CHL1: variants seen among roughly 807,000 people sequenced by gnomAD.
CHL1 encodes the protein cell adhesion molecule L1 like.
A neutral mutation model predicts 141.9 loss-of-function variants in CHL1; 96 were observed. That is an observed-to-expected ratio of 0.68 (90% CI 0.57 to 0.80). The LOEUF (loss-of-function observed/expected upper bound fraction) is 0.80, where lower values mean the gene tolerates loss of function less well. CHL1 is among the 30% of genes least tolerant of loss of function. The pLI, the probability that CHL1 is intolerant of heterozygous loss-of-function variation, is 0.00. For synonymous variants in CHL1, 613 were observed against 502.2 expected, an observed-to-expected ratio of 1.22 and a Z score of -2.95; for missense variants, 1,820 against 1,457.2, an observed-to-expected ratio of 1.25 and a Z score of -4.05.
At position 226,034 on chromosome 3, in the gene CHL1, C is replaced by CT. The variant is rs1191520790; in HGVS notation, c.-174-18572dup. On this transcript the variant is annotated intron_variant, in intron 1 of 27. Transcript: ENST00000256509. ...AAAAAAAGAGACACGTTAATCTTAA[C>CT]TTTTTTTGAGAGAGTCTCGTTCCGT... 6.0e-5 allele frequency among the ~76,000 whole-genome samples: 9 copies of CT among 150,946 alleles called. No individual in the cohort carries two copies. The East Asian group carries it at 1.8e-3, about 30-fold the overall frequency.
intron 2 of CHL1, among the ~76,000 whole-genome samples, chr3:303,710 C>T (rs985820092): frequency 6.6e-6 from 1 of 151,976 alleles, no homozygotes; most frequent in Non-Finnish European, 1.5e-5. Flanking sequence ...TTTGAATACA[C>T]TTTATTTCTT....
chr3:234,850 C>G (rs1431817532), intron 1 of CHL1, among the ~76,000 whole-genome samples: 2 of 152,028 alleles, frequency 1.3e-5, no homozygotes, highest in African/African-American at 2.4e-5. Flanking sequence ...AAACAAAGAC[C>G]CTTTGTACAA....
intron 2 of CHL1, among the ~76,000 whole-genome samples, chr3:315,141 C>T (rs1482035381): frequency 6.6e-6 from 1 of 152,166 alleles, no homozygotes; most frequent in African/African-American, 2.4e-5. Flanking sequence ...ATGATCATCA[C>T]TTTCACTAGT....
At chr3:325,336 C>T (rs1263764837) in intron 3 of CHL1, among the ~76,000 whole-genome samples, 2 of 151,842 alleles carry the variant, frequency 1.3e-5, no homozygotes, top group Non-Finnish European at 2.9e-5. Flanking sequence ...ATGATATTTA[C>T]AATTTACCCA....
At chr3:237,162 G>A (rs1002764585) in intron 1 of CHL1, among the ~76,000 whole-genome samples, 1 of 152,170 alleles carries the variant, frequency 6.6e-6, no homozygotes, top group African/African-American at 2.4e-5. Flanking sequence ...AGGACCTGGT[G>A]GGAGGTGATT....
intron 2 of CHL1, among the ~76,000 whole-genome samples, chr3:295,141 A>G (rs1698074275): frequency 6.6e-6 from 1 of 152,094 alleles, no homozygotes; most frequent in Admixed American, 6.6e-5. Flanking sequence ...TTTGTAAGGC[A>G]CAATCTGCCT....
chr3:272,903 T>A (rs908044511), intron 2 of CHL1, among the ~76,000 whole-genome samples: 1 of 152,114 alleles, frequency 6.6e-6, no homozygotes, highest in Non-Finnish European at 1.5e-5. Context: ...AGAGCAACAG[T>A]CTAATCTAGG....
chr3:202,100 G>A (rs1342120716), intron 1 of CHL1, among the ~76,000 whole-genome samples: 1 of 152,182 alleles, frequency 6.6e-6, no homozygotes, highest in African/African-American at 2.4e-5. Context: ...CAGGTGTGTG[G>A]CATTGGCTTA....
intron 5 of CHL1, among the ~76,000 whole-genome samples, chr3:330,499 G>A (rs531709458): frequency 6.6e-6 from 1 of 152,082 alleles, no homozygotes; most frequent in South Asian, 2.1e-4. Context: ...TAGTATAAAA[G>A]CAGAAAATAA....
chr3:320,531 A>G (rs199737780), intron 3 of CHL1, among the ~76,000 whole-genome samples: 1 of 152,076 alleles, frequency 6.6e-6, no homozygotes, highest in South Asian at 2.1e-4. Flanking sequence ...AAAAAAATAG[A>G]TCAGCATCAG....
At chr3:233,313 G>T (rs1214927316) in intron 1 of CHL1, among the ~76,000 whole-genome samples, 1 of 151,902 alleles carries the variant, frequency 6.6e-6, no homozygotes, top group African/African-American at 2.4e-5. Context: ...CTTCTTGACT[G>T]TGCCCTGCTC....
intron 5 of CHL1, among the ~76,000 whole-genome samples, chr3:332,984 G>A (rs1559267698): frequency 6.6e-6 from 1 of 150,710 alleles, no homozygotes; most frequent in African/African-American, 2.4e-5. Context: ...AAGGATTTCA[G>A]TTTTTTTTTC....
intron 2 of CHL1, among the ~76,000 whole-genome samples, chr3:266,556 G>T (rs564691236): frequency 1.3e-5 from 2 of 152,084 alleles, no homozygotes; most frequent in Admixed American, 1.3e-4. Context: ...CTGTGAAAAC[G>T]TGAAGCTCCA....
intron 1 of CHL1, among the ~76,000 whole-genome samples, chr3:208,347 G>C (rs1241296597): frequency 6.6e-6 from 1 of 151,868 alleles, no homozygotes; most frequent in African/African-American, 2.4e-5. Flanking sequence ...AGTATTTACT[G>C]CCTCAATTAA....
At chr3:399,234 A>G in intron 26 of CHL1, 86 bp downstream of exon 26, 1 of 1,108,652 alleles carries the variant, frequency 9.0e-7, no homozygotes, top group Non-Finnish European at 1.4e-6. Context: ...TTTTAAAAAT[A>G]CACATTCAAG....
At chr3:210,656 A>G (rs573297523) in intron 1 of CHL1, among the ~76,000 whole-genome samples, 9 of 152,256 alleles carry the variant, frequency 5.9e-5, no homozygotes, top group Non-Finnish European at 8.8e-5. Context: ...CTTCTAGCAG[A>G]CAAGGTAGCA....
chr3:241,244 C>G (rs1692528756), intron 1 of CHL1, among the ~76,000 whole-genome samples: 1 of 152,128 alleles, frequency 6.6e-6, no homozygotes, highest in South Asian at 2.1e-4. Context: ...AGAAAGGAGT[C>G]ATGTCATAAA....
intron 2 of CHL1, among the ~76,000 whole-genome samples, chr3:302,182 A>G (rs756201998): frequency 6.6e-6 from 1 of 152,212 alleles, no homozygotes; most frequent in African/African-American, 2.4e-5. Context: ...AGTCTTTGCT[A>G]TTGTGAATTG....
At position 286,264 on chromosome 3, in the gene CHL1, C is replaced by T. The variant is rs187279994; in HGVS notation, c.-94-33419C>T. On this transcript the variant is annotated intron_variant, in intron 2 of 27. Coordinates refer to ENST00000256509, the MANE Select transcript of CHL1 (RefSeq NM_006614.4). ...GCCCCAAAAGTGGGTTCTTGGATCT[C>T]GCACAAGAAAGAATTTGGGGCAAGT... is the stretch of plus-strand genomic sequence containing the variant. 4.6e-5 allele frequency among the ~76,000 whole-genome samples: 7 copies of T among 151,992 alleles called. No individual in the cohort carries two copies. The East Asian group carries it at 7.7e-4, about 17-fold the overall frequency.
Sources: gnomAD v4.1 joint callset for allele counts (sites outside exome capture counted in the v4.1 genomes callset) on GRCh38, gnomAD v4.1.1 for gene constraint, MANE v1.5 for transcripts, NCBI Gene and HGNC (gene_info 2026-07-23, HGNC 2026-07-21) for gene names.